Variants in MRPL39 observed in about 807,000 individuals in gnomAD.
The protein encoded by MRPL39 is mitochondrial ribosomal protein L39.
MRPL39 carries 35 observed loss-of-function variants against 44.5 expected under a neutral mutation model. The observed-to-expected ratio is 0.79, with a 90% confidence interval of 0.60 to 1.04. The LOEUF (loss-of-function observed/expected upper bound fraction) is 1.04, where lower values mean the gene tolerates loss of function less well. Ranked by LOEUF, MRPL39 falls within the 50% of genes least tolerant of loss-of-function variation. MRPL39 has a pLI of 0.00. For missense variants in MRPL39, 433 were observed against 413.5 expected (o/e 1.05, Z -0.41); for synonymous variants, 139 against 136.1 (o/e 1.02, Z -0.15).
intron 9 of MRPL39, 43 bp downstream of exon 9, chr21:25,588,792 T>A: frequency 6.5e-7 from 1 of 1,541,548 alleles, no homozygotes; most frequent in East Asian, 2.3e-5. Context: ...TTTTGATGAA[T>A]TTCTTTATAG....
chr21:25,593,109 C>G (rs761276908), intron 7 of MRPL39, 144 bp from the exon 8 acceptor site: 28 of 653,270 alleles, frequency 4.3e-5, no homozygotes, highest in Non-Finnish European at 6.5e-5. Context: ...CTAATGACCC[C>G]TGACATAATG....
chr21:25,586,697 T>C (rs2031009125), intron 9 of MRPL39, among the ~76,000 whole-genome samples: 1 of 152,210 alleles, frequency 6.6e-6, no homozygotes, highest in Non-Finnish European at 1.5e-5. Context: ...ATGTTCTCTA[T>C]GTAGGCAAGT....
chr21:25,603,415 C>T (rs1049263648), intron 3 of MRPL39, among the ~76,000 whole-genome samples: 5 of 150,410 alleles, frequency 3.3e-5, no homozygotes, highest in African/African-American at 1.2e-4. Flanking sequence ...TTTTAAGTAA[C>T]GAAAAAAAAT....
chr21:25,594,746 C>G (rs890561844), intron 6 of MRPL39, among the ~76,000 whole-genome samples: 1 of 152,126 alleles, frequency 6.6e-6, no homozygotes, highest in Non-Finnish European at 1.5e-5. Context: ...AATCTACCTA[C>G]CTCTTCTGAC....
chr21:25,593,828 A>T, intron 7 of MRPL39, 65 bp downstream of exon 7: 1 of 1,392,114 alleles, frequency 7.2e-7, no homozygotes, highest in Admixed American at 2.0e-5. Context: ...CATATGCTTC[A>T]TTCAGATAAC....
intron 3 of MRPL39, 36 bp downstream of exon 3, chr21:25,603,760 T>C (rs371255612): frequency 6.4e-7 from 1 of 1,570,366 alleles, no homozygotes; most frequent in Non-Finnish European, 8.6e-7. Flanking sequence ...GTGAAGATAC[T>C]GGGGAAATAG....
intron 3 of MRPL39, among the ~76,000 whole-genome samples, chr21:25,602,281 G>A (rs1227679154): frequency 2.6e-5 from 4 of 152,166 alleles, no homozygotes; most frequent in African/African-American, 9.7e-5. Context: ...ACTCCAGTCA[G>A]AATGCCTAGG....
chr21:25,601,864 C>T (rs2123252387), intron 3 of MRPL39, among the ~76,000 whole-genome samples: 1 of 152,242 alleles, frequency 6.6e-6, no homozygotes, highest in African/African-American at 2.4e-5. Flanking sequence ...GAGAAAAACT[C>T]AACTTTTATG....
intron 4 of MRPL39, among the ~76,000 whole-genome samples, chr21:25,600,835 C>T (rs576188124): frequency 2.4e-4 from 36 of 152,268 alleles, no homozygotes; most frequent in African/African-American, 8.4e-4. Flanking sequence ...GGGCCGGGCA[C>T]GGTGGCTCAC....
intron 5 of MRPL39, among the ~76,000 whole-genome samples, chr21:25,598,452 A>G (rs202207783): frequency 4.1e-5 from 6 of 146,336 alleles, no homozygotes; most frequent in East Asian, 2.0e-4. Context: ...AAAAAAAAAA[A>G]AGAGAGAGAA....
chr21:25,588,992 A>G (rs776573349), intron 8 of MRPL39, 110 bp from the exon 9 acceptor site: 9 of 918,100 alleles, frequency 9.8e-6, no homozygotes, highest in Non-Finnish European at 1.5e-5. Flanking sequence ...GCTAGGCAGT[A>G]CTAATTTAGA....
intron 8 of MRPL39, among the ~76,000 whole-genome samples, chr21:25,590,253 T>C (rs1397147635): frequency 6.6e-6 from 1 of 151,806 alleles, no homozygotes; most frequent in Non-Finnish European, 1.5e-5. Flanking sequence ...GAAAAGAGAA[T>C]CAAGGATTAC....
chr21:25,601,225 T>C (rs898567741), intron 4 of MRPL39, 143 bp downstream of exon 4: 2 of 406,118 alleles, frequency 4.9e-6, no homozygotes, highest in Admixed American at 8.3e-5. Context: ...TCATGTTTCA[T>C]CATAGTAAGA....
chr21:25,606,374 T>A, intron 2 of MRPL39, 75 bp downstream of exon 2: 1 of 1,299,124 alleles, frequency 7.7e-7, no homozygotes, highest in Non-Finnish European at 1.1e-6. Context: ...AATTACAGCA[T>A]CCTGTCTCCT....
intron 3 of MRPL39, 108 bp from the exon 4 acceptor site, chr21:25,601,575 C>G (rs1182158202): frequency 3.0e-6 from 2 of 660,358 alleles, no homozygotes; most frequent in Non-Finnish European, 4.6e-6. Flanking sequence ...AAATATTTCT[C>G]ATATATCTCT....
intron 8 of MRPL39, 24 bp downstream of exon 8, chr21:25,592,788 C>A (rs2829809): frequency 0.77 from 1,190,824 of 1,539,444 alleles, 468,050 homozygotes; most frequent in Non-Finnish European, 0.82. Flanking sequence ...AATTGGAAGA[C>A]CTAGAACTTT....
At chr21:25,588,689 A>C (rs2031078850) in intron 9 of MRPL39, 146 bp downstream of exon 9, 1 of 682,516 alleles carries the variant, frequency 1.5e-6, no homozygotes, top group Non-Finnish European at 2.5e-6. Context: ...ACTAGTGAAC[A>C]ATCACAACAC....
intron 3 of MRPL39, among the ~76,000 whole-genome samples, chr21:25,603,574 T>C (rs2031580066): frequency 6.6e-6 from 1 of 152,086 alleles, no homozygotes; most frequent in Non-Finnish European, 1.5e-5. Context: ...AACAAAGATA[T>C]GAATATAAAA....
intron 4 of MRPL39, 103 bp from the exon 5 acceptor site, chr21:25,599,969 C>G: frequency 1.3e-6 from 1 of 768,422 alleles, no homozygotes; most frequent in African/African-American, 1.8e-5. Context: ...GATTAGCACT[C>G]TCTCCCAACT....
Sources: gnomAD v4.1 joint callset for allele counts (sites outside exome capture counted in the v4.1 genomes callset) on GRCh38, gnomAD v4.1.1 for gene constraint, MANE v1.5 for transcripts, NCBI Gene and HGNC (gene_info 2026-07-23, HGNC 2026-07-21) for gene names.